The following SLC4A4 variants were observed in gnomAD, a reference collection of about 807,000 sequenced individuals.
SLC4A4 encodes the protein solute carrier family 4 member 4.
Under a neutral mutation model 111.5 loss-of-function variants are expected in SLC4A4, and 27 were observed. The ratio of observed to expected loss-of-function variants is 0.24; its 90% confidence interval spans 0.18 to 0.33. The LOEUF (loss-of-function observed/expected upper bound fraction) is 0.33, where lower values mean the gene tolerates loss of function less well. Ranked by LOEUF, SLC4A4 falls within the 10% of genes least tolerant of loss-of-function variation. The pLI is 1.00. For missense variants in SLC4A4, 909 were observed against 1,315.5 expected (o/e 0.69, Z 4.78); for synonymous variants, 443 against 463.4 (o/e 0.96, Z 0.57).
intron 20 of SLC4A4, among the ~76,000 whole-genome samples, chr4:71,553,703 A>G (rs1560615799): frequency 6.6e-6 from 1 of 151,400 alleles, no homozygotes; most frequent in Non-Finnish European, 1.5e-5. Context: ...ACTTTATGGT[A>G]CATTTATACA....
At chr4:71,121,126 G>A (rs979277564) in intron 2 of SLC4A4, among the ~76,000 whole-genome samples, 7 of 152,120 alleles carry the variant, frequency 4.6e-5, no homozygotes, top group Non-Finnish European at 7.4e-5. Flanking sequence ...CTGGCCCGCC[G>A]CACTCGAATT....
At chr4:71,220,376 A>G (rs550588590) in intron 1 of SLC4A4, among the ~76,000 whole-genome samples, 1 of 152,226 alleles carries the variant, frequency 6.6e-6, no homozygotes, top group African/African-American at 2.4e-5. Flanking sequence ...GCATTGGGAA[A>G]CAAAAATTTC....
At chr4:71,180,543 A>T (rs936415564) in intron 2 of SLC4A4, among the ~76,000 whole-genome samples, 2 of 152,256 alleles carry the variant, frequency 1.3e-5, no homozygotes, top group Non-Finnish European at 2.9e-5. Context: ...TGGGCAAAGG[A>T]TATGAACAGA....
intron 6 of SLC4A4, among the ~76,000 whole-genome samples, chr4:71,359,957 C>T (rs1663671758): frequency 6.6e-6 from 1 of 152,116 alleles, no homozygotes; most frequent in African/African-American, 2.4e-5. Flanking sequence ...TGAATTTTTT[C>T]ATTTCATGGT....
intron 6 of SLC4A4, among the ~76,000 whole-genome samples, chr4:71,388,533 T>TATTATATTC (rs61411324): frequency 2.4e-4 from 36 of 151,930 alleles, no homozygotes; most frequent in African/African-American, 8.7e-4. Context: ...TATTATATTA[T>TATTATATTC]ATTCATTCAT....
intron 8 of SLC4A4, among the ~76,000 whole-genome samples, chr4:71,446,804 G>A (rs528788209): frequency 6.6e-6 from 1 of 152,282 alleles, no homozygotes; most frequent in East Asian, 1.9e-4. Context: ...ACCTTTTGTA[G>A]ATTTTTTTGT....
intron 2 of SLC4A4, among the ~76,000 whole-genome samples, chr4:71,107,894 G>T (rs1049698728): frequency 1.3e-5 from 2 of 151,934 alleles, no homozygotes; most frequent in African/African-American, 2.4e-5. Flanking sequence ...TGAAGACAGG[G>T]TCTCACTCGG....
At chr4:71,473,048 A>G in intron 14 of SLC4A4, 78 bp downstream of exon 14, 1 of 1,479,242 alleles carries the variant, frequency 6.8e-7, no homozygotes, top group Non-Finnish European at 9.4e-7. Flanking sequence ...CAAATTTTCA[A>G]CATGCTGTCA....
intron 2 of SLC4A4, among the ~76,000 whole-genome samples, chr4:71,252,135 C>T (rs1465322402): frequency 1.3e-5 from 2 of 152,270 alleles, no homozygotes; most frequent in Admixed American, 1.3e-4. Flanking sequence ...ATGTGATGTT[C>T]TCATCAATCA....
In SLC4A4 at chr4:71,541,743, G is replaced by A. The variant is rs536929095; in HGVS notation, c.2443-4607G>A. On this transcript the variant is annotated intron_variant, in intron 18 of 25. Coordinates refer to ENST00000264485, the MANE Select transcript of SLC4A4 (RefSeq NM_001098484.3). Reference sequence around the variant, plus strand: ...ACAAGAGTGGAGGTGGGTGGGGGGAGCTGAGTGGAAAGGGAAGGTGGGTGG... The same window carrying A: ...ACAAGAGTGGAGGTGGGTGGGGGGAACTGAGTGGAAAGGGAAGGTGGGTGG... 1.9e-3 allele frequency among the ~76,000 whole-genome samples: 293 copies of A among 151,764 alleles called. 2 individuals carry two copies. Among genetic ancestry groups the A allele is most frequent in the African/African-American group, 6.5e-3 (270 of 41,344 alleles).
chr4:71,481,125 A>T (rs144481802), intron 14 of SLC4A4, among the ~76,000 whole-genome samples: 29 of 151,858 alleles, frequency 1.9e-4, no homozygotes, highest in Non-Finnish European at 3.7e-4. Flanking sequence ...TGTGGTCAAG[A>T]GGTGTGAAGT....
chr4:71,105,919 A>T (rs200431148), intron 2 of SLC4A4, among the ~76,000 whole-genome samples: 2,208 of 98,538 alleles, frequency 0.022, no homozygotes, highest in Admixed American at 0.025. Context: ...AAAATAGACA[A>T]ATGGGATCTA....
chr4:71,233,270 G>T, intron 1 of SLC4A4: 9 of 985,330 alleles, frequency 9.1e-6, no homozygotes, highest in Non-Finnish European at 8.4e-6. Context: ...AAAGAGAAAA[G>T]AGAACTACTG....
At chr4:71,284,839 C>A (rs1383314473) in intron 3 of SLC4A4, among the ~76,000 whole-genome samples, 1 of 152,098 alleles carries the variant, frequency 6.6e-6, no homozygotes, top group African/African-American at 2.4e-5. Context: ...TTTATGTTGT[C>A]CCCTGGTTAC....
At chr4:71,434,126 G>A (rs1723893197) in intron 7 of SLC4A4, among the ~76,000 whole-genome samples, 1 of 152,018 alleles carries the variant, frequency 6.6e-6, no homozygotes, top group African/African-American at 2.4e-5. Context: ...TAGGGAAAAA[G>A]TGAAGGAAAT....
chr4:71,247,040 C>T (rs1386966282), intron 2 of SLC4A4, among the ~76,000 whole-genome samples: 1 of 151,998 alleles, frequency 6.6e-6, no homozygotes, highest in Non-Finnish European at 1.5e-5. Flanking sequence ...TTCTGGGATT[C>T]TAGGTTAACA....
In SLC4A4 at chr4:71,450,433, G is replaced by T. The variant is rs752275208; in HGVS notation, c.1098G>T (p.Leu366=). The T allele has an allele frequency of 3.1e-6, 5 of 1,612,426 alleles. No homozygotes were observed. Among genetic ancestry groups the T allele is most frequent in the Non-Finnish European group, 4.2e-6 (5 of 1,178,512 alleles). Residue 366 remains leucine, a synonymous_variant, in exon 10 of 26, where the codon CTG becomes CTT. Transcript: ENST00000264485. ...IAYKAKDRHD[L]IAGIDEFLDE... ...ATAAAGCAAAAGACAGGCACGACCT[G>T]ATTGCTGGTATTGATGAGTTCCTAG... is the stretch of plus-strand genomic sequence containing the variant.
intron 7 of SLC4A4, among the ~76,000 whole-genome samples, chr4:71,436,406 CAG>C (rs1490654942): frequency 6.6e-6 from 1 of 152,024 alleles, no homozygotes; most frequent in Non-Finnish European, 1.5e-5. Flanking sequence ...TGGGGCCTGT[CAG>C]GGGGTCAGGG....
At chr4:71,217,683 A>G (rs1164716521) in intron 1 of SLC4A4, among the ~76,000 whole-genome samples, 2 of 152,244 alleles carry the variant, frequency 1.3e-5, no homozygotes, top group East Asian at 3.8e-4. Flanking sequence ...GTAAACAAAA[A>G]TGATTCTATG....
Sources: allele counts gnomAD v4.1 joint callset (sites outside exome capture counted in the v4.1 genomes callset), GRCh38; gene constraint gnomAD v4.1.1; transcripts MANE v1.5; gene names NCBI Gene and HGNC (gene_info 2026-07-23, HGNC 2026-07-21).